The following ARHGEF10 variants were observed in gnomAD, a reference collection of about 807,000 sequenced individuals.
ARHGEF10 encodes the protein Rho guanine nucleotide exchange factor 10, also known as Rho guanine nucleotide exchange factor (GEF) 10.
In ARHGEF10, 140 loss-of-function variants were observed where a neutral mutation model predicts 147.4. That is an observed-to-expected ratio of 0.95 (90% CI 0.83 to 1.09). ARHGEF10 has a LOEUF of 1.09. ARHGEF10 is among the 50% of genes least tolerant of loss of function. The pLI, the probability that ARHGEF10 is intolerant of heterozygous loss-of-function variation, is 0.00. For synonymous variants in ARHGEF10, 902 were observed against 695.8 expected (o/e 1.30, Z -4.67); for missense variants, 2,222 against 1,752.7 (o/e 1.27, Z -4.78).
At chr8:1,930,518 G>A (rs1813040760) in intron 25 of ARHGEF10, among the ~76,000 whole-genome samples, 1 of 148,002 alleles carries the variant, frequency 6.8e-6, no homozygotes, top group Non-Finnish European at 1.5e-5. Context: ...AAAATTGTGT[G>A]GTGAGTCCCC....
chr8:1,901,775 T>G (rs1810483284), intron 15 of ARHGEF10, among the ~76,000 whole-genome samples: 1 of 152,212 alleles, frequency 6.6e-6, no homozygotes, highest in African/African-American at 2.4e-5. Context: ...AAGATTGTTC[T>G]TTTTTGCCTT....
chr8:1,885,337 G>C (rs1200536329), intron 10 of ARHGEF10, among the ~76,000 whole-genome samples: 1 of 152,096 alleles, frequency 6.6e-6, no homozygotes, highest in Non-Finnish European at 1.5e-5. Context: ...TTGCTATCTA[G>C]CTATTCAAAT....
In ARHGEF10 at chr8:1,888,510, CTG is replaced by C. The variant is rs1269965410; in HGVS notation, c.1182+2804_1182+2805del. 4.2e-4 allele frequency among the ~76,000 whole-genome samples: 48 copies of C among 113,338 alleles called. 1 individual carries two copies. The highest frequency in any genetic ancestry group is 1.9e-3 in the African/African-American group (42 of 22,608). The allele number at this position is 113,338 out of a possible 152,430, so 74.4% of individuals were successfully genotyped here. ...GTGGGGTAAGAAGTCTGTGGAGATA[CTG>C]AGTGGGGTGAGGGGTCTGTGAGGAG... On this transcript the variant is annotated intron_variant, in intron 11 of 28. Coordinates refer to ENST00000349830, the MANE Select transcript of ARHGEF10 (RefSeq NM_014629.4).
chr8:1,941,801 A>T (rs529869971), intron 26 of ARHGEF10, among the ~76,000 whole-genome samples: 2 of 152,192 alleles, frequency 1.3e-5, no homozygotes, highest in Admixed American at 6.5e-5. Flanking sequence ...ACGTGTGTCT[A>T]TGTTCACATA....
At chr8:1,945,957 G>A (rs1024977541) in intron 27 of ARHGEF10, 20 of 521,576 alleles carry the variant, frequency 3.8e-5, no homozygotes, top group Admixed American at 9.6e-5. Context: ...GGTGGGAGAC[G>A]ATTTCTCATC....
In ARHGEF10 at chr8:1,832,438, A is replaced by T. The variant is rs190418133; in HGVS notation, c.-48+8325A>T. On this transcript the variant is annotated intron_variant, in intron 1 of 28. Coordinates refer to ENST00000349830, the MANE Select transcript of ARHGEF10 (RefSeq NM_014629.4). ...GAGACAGAGAGAGACAGAGGCAGAC[A>T]GAGGCAGAGACAGAGACAGAGGCAG... Among the ~76,000 whole-genome samples, 509 of 149,778 alleles carry T rather than the reference A, an allele frequency of 3.4e-3. 5 individuals carry two copies. The highest frequency in any genetic ancestry group is 0.012 in the African/African-American group (494 of 40,504).
intron 13 of ARHGEF10, among the ~76,000 whole-genome samples, chr8:1,895,718 G>A (rs967434229): frequency 1.3e-5 from 2 of 152,184 alleles, no homozygotes; most frequent in African/African-American, 4.8e-5. Context: ...TCACACCAGA[G>A]CTCTGCCATC....
intron 1 of ARHGEF10, among the ~76,000 whole-genome samples, chr8:1,833,456 G>T (rs919396571): frequency 6.6e-6 from 1 of 151,850 alleles, no homozygotes; most frequent in African/African-American, 2.4e-5. Flanking sequence ...AGAGACAGGG[G>T]CAGAGGCAGG....
chr8:1,909,279 C>A lies in ARHGEF10; in HGVS notation c.1968-16C>A. ...ATGTAATTATTCGTAAAACAAGGAT[C>A]TTTTGGTCGTTTCAGCCCCTCTCAT... On this transcript the variant is annotated splice_polypyrimidine_tract_variant and intron_variant, in intron 17 of 28. Coordinates refer to ENST00000349830, the MANE Select transcript of ARHGEF10 (RefSeq NM_014629.4). 1.9e-6 allele frequency: 3 copies of A among 1,614,202 alleles called. No homozygotes were observed. The highest frequency in any genetic ancestry group is 2.5e-6 in the Non-Finnish European group (3 of 1,180,046).
At chr8:1,835,077 C>G (rs1196265551) in intron 1 of ARHGEF10, among the ~76,000 whole-genome samples, 1 of 152,256 alleles carries the variant, frequency 6.6e-6, no homozygotes, top group Non-Finnish European at 1.5e-5. Context: ...CGGCCCGTGT[C>G]TGCCAAGGCA....
intron 9 of ARHGEF10, among the ~76,000 whole-genome samples, chr8:1,881,223 C>G (rs1363459013): frequency 6.6e-6 from 1 of 152,186 alleles, no homozygotes; most frequent in East Asian, 1.9e-4. Flanking sequence ...TGTGTCAGCC[C>G]TGAGATCCGG....
chr8:1,902,744 G>A (rs1272915185), intron 15 of ARHGEF10, among the ~76,000 whole-genome samples: 1 of 152,160 alleles, frequency 6.6e-6, no homozygotes, highest in Admixed American at 6.5e-5. Context: ...AACGTTTAGT[G>A]ACATGGACCC....
At chr8:1,913,212 C>G (rs12545805) in intron 18 of ARHGEF10, among the ~76,000 whole-genome samples, 22,382 of 152,034 alleles carry the variant, frequency 0.15, 1,775 homozygotes, top group African/African-American at 0.17. Flanking sequence ...ATCAGTTGCT[C>G]TAGCCGGGCT....
chr8:1,924,960 G>A (rs572458316), intron 21 of ARHGEF10, among the ~76,000 whole-genome samples: 6 of 152,186 alleles, frequency 3.9e-5, no homozygotes, highest in Non-Finnish European at 5.9e-5. Context: ...TGGAAAAACT[G>A]GAGAAAGATA....
intron 10 of ARHGEF10, among the ~76,000 whole-genome samples, chr8:1,884,110 T>C (rs1016530654): frequency 1.3e-5 from 2 of 152,130 alleles, no homozygotes; most frequent in African/African-American, 4.8e-5. Flanking sequence ...AGGCAAATCC[T>C]TGGCCGGGCA....
At position 1,857,941 on chromosome 8, in the gene ARHGEF10, T is replaced by G. The variant is rs752372411; in HGVS notation, c.38-19T>G. On this transcript the variant is annotated intron_variant, in intron 2 of 28. Coordinates refer to ENST00000349830, the MANE Select transcript of ARHGEF10 (RefSeq NM_014629.4). ...ATCTATCTATCTCTCCTTGATGTGG[T>G]TTTGGTTTTTCTTTTTAGAAAATGA... is the stretch of plus-strand genomic sequence containing the variant. 8.8e-6 allele frequency: 14 copies of G among 1,599,196 alleles called. No individual in the cohort carries two copies. The African/African-American group carries it at 1.9e-4, about 21-fold the overall frequency.
chr8:1,845,468 A>G (rs948148698), intron 2 of ARHGEF10, among the ~76,000 whole-genome samples: 1 of 152,184 alleles, frequency 6.6e-6, no homozygotes, highest in African/African-American at 2.4e-5. Flanking sequence ...TGACATGCTG[A>G]GGAGGCGGGT....
At chr8:1,924,554 G>A (rs1486145966) in intron 21 of ARHGEF10, among the ~76,000 whole-genome samples, 3 of 152,246 alleles carry the variant, frequency 2.0e-5, no homozygotes, top group East Asian at 1.9e-4. Flanking sequence ...AATGCAGAGC[G>A]TGGGTAACGC....
rs774124782 is a variant in ARHGEF10 at position 1,909,343 on chromosome 8, G to T, written c.2016G>T (p.Lys672Asn). ...TGAGCAGCCAGAGGTACTTGCTGAA[G>T]TGGAGCGTTCCACTGGGACATGTGG... ...RVMSSQRYLL[K>N]WSVPLGHVDA... The change falls in exon 18 of 29, where the codon AAG becomes AAT. Residue 672 changes from lysine to asparagine, a missense_variant. Lys to Asn is a moderately conservative substitution (Grantham distance 94). Coordinates refer to ENST00000349830, the MANE Select transcript of ARHGEF10 (RefSeq NM_014629.4). 1.2e-6 allele frequency: 2 copies of T among 1,614,236 alleles called. No homozygotes were observed. Among genetic ancestry groups the T allele is most frequent in the African/African-American group, 2.7e-5 (2 of 75,056 alleles).
Sources: allele counts gnomAD v4.1 joint callset (sites outside exome capture counted in the v4.1 genomes callset), GRCh38; gene constraint gnomAD v4.1.1; transcripts MANE v1.5; gene names NCBI Gene and HGNC (gene_info 2026-07-23, HGNC 2026-07-21).